The following CTRB1 variants were observed in gnomAD, a reference collection of about 807,000 sequenced individuals.
CTRB1 encodes the protein chymotrypsinogen B.
CTRB1 carries 15 observed loss-of-function variants against 20.4 expected under a neutral mutation model. That is an observed-to-expected ratio of 0.74 (90% CI 0.49 to 1.13). The LOEUF is 1.13. CTRB1 is among the 50% of genes most tolerant of loss of function. CTRB1 has a pLI of 0.00. For missense variants in CTRB1, 227 were observed against 290.1 expected, an observed-to-expected ratio of 0.78 and a Z score of 1.58; for synonymous variants, 92 against 128.4, an observed-to-expected ratio of 0.72 and a Z score of 1.92.
rs764205539 is a variant in CTRB1 at position 75,224,884 on chromosome 16, A to C, written c.*18A>C. 1.7e-5 allele frequency: 28 copies of C among 1,612,510 alleles called. No individual in the cohort carries two copies. Among genetic ancestry groups the C allele is most frequent in the Non-Finnish European group, 2.2e-5 (26 of 1,179,888 alleles). On this transcript the variant is annotated 3_prime_UTR_variant, in exon 7 of 7. Coordinates refer to ENST00000361017, the MANE Select transcript of CTRB1 (RefSeq NM_001906.6). ...CCAACTGAGCCCGCGGCTCCCTCCG[A>C]CCCTGCTCCCCACAGAGCCTCAGTA...
Position 75,222,494 on chromosome 16 carries a change from C to G in CTRB1, c.53-274C>G, listed in dbSNP as rs1201600423. Reference sequence around the variant, plus strand: ...GGCTGAGCCCAGGCAGTCTTACAGCCCGGCCTGTTTTCTGCTTCTTCAGGC... The same window carrying G: ...GGCTGAGCCCAGGCAGTCTTACAGCGCGGCCTGTTTTCTGCTTCTTCAGGC... On this transcript the variant is annotated intron_variant, in intron 1 of 6. Transcript: ENST00000361017. The G allele has an allele frequency of 1.1e-5, 6 of 532,342 alleles. No individual in the cohort carries two copies. In the African/African-American group the frequency reaches 1.1e-4, roughly 10 times the overall value. The allele number at this position is 532,342 out of a possible 1,614,324, so 33.0% of individuals were successfully genotyped here.
chr16:75,221,513 C>T (rs1204475520), intron 1 of CTRB1, among the ~76,000 whole-genome samples: 5 of 152,068 alleles, frequency 3.3e-5, no homozygotes, highest in African/African-American at 1.2e-4. Context: ...GCCTGTGCCA[C>T]CATGCCCGGC....
At chr16:75,222,161 G>GA (rs34600337) in intron 1 of CTRB1, among the ~76,000 whole-genome samples, 61,325 of 142,726 alleles carry the variant, frequency 0.43, 13,983 homozygotes, top group East Asian at 0.62. Flanking sequence ...ACCCTAACTG[G>GA]AAAAAAAAAA....
Position 75,222,309 on chromosome 16 carries a change from G to T in CTRB1, c.53-459G>T, listed in dbSNP as rs57153857. Among the ~76,000 whole-genome samples the T allele has an allele frequency of 3.0e-3, 460 of 152,294 alleles. 2 individuals carry two copies. Among genetic ancestry groups the T allele is most frequent in the African/African-American group, 0.011 (439 of 41,564 alleles). On this transcript the variant is annotated intron_variant, in intron 1 of 6. Transcript: ENST00000361017. ...ATTCCTGGTGGACTTGGGGTTATCAGATTTTCTTCCCACTTCCCCTCTCGC... is the reference window on the plus strand; with the variant it reads ...ATTCCTGGTGGACTTGGGGTTATCATATTTTCTTCCCACTTCCCCTCTCGC...
At chr16:75,222,259 C>T (rs991824712) in intron 1 of CTRB1, among the ~76,000 whole-genome samples, 21 of 152,122 alleles carry the variant, frequency 1.4e-4, no homozygotes, top group Non-Finnish European at 2.5e-4. Flanking sequence ...TTCACTCTCC[C>T]GTCTGCAAAT....
chr16:75,222,900 C>T (rs1364291548), intron 2 of CTRB1, 29 bp downstream of exon 2: 3 of 1,437,274 alleles, frequency 2.1e-6, no homozygotes, highest in African/African-American at 1.4e-5. Flanking sequence ...GTGGGGGGCA[C>T]CCTGGGTAGG....
chr16:75,224,851 C>T lies in CTRB1; in HGVS notation c.777C>T (p.Ile259=), dbSNP rs1274394210. The change falls in exon 7 of 7, where the codon ATC becomes ATT. Residue 259 remains isoleucine (I), a synonymous_variant. Coordinates refer to ENST00000361017, the MANE Select transcript of CTRB1 (RefSeq NM_001906.6). ...AGCTCATACCTTGGGTGCAGAAGAT[C>T]CTGGCTGCCAACTGAGCCCGCGGCT... ...VTKLIPWVQK[I]LAAN 4.3e-6 allele frequency: 7 copies of T among 1,613,920 alleles called. No individual in the cohort carries two copies. The East Asian group carries it at 6.7e-5, about 15-fold the overall frequency.
chr16:75,219,682 C>T (rs1048933521), intron 1 of CTRB1, among the ~76,000 whole-genome samples: 2 of 152,102 alleles, frequency 1.3e-5, no homozygotes, highest in African/African-American at 4.8e-5. Flanking sequence ...CTGTGCCCAG[C>T]CGTGTTTTCT....
chr16:75,220,382 C>A (rs2039066229), intron 1 of CTRB1, among the ~76,000 whole-genome samples: 1 of 152,166 alleles, frequency 6.6e-6, no homozygotes, highest in Non-Finnish European at 1.5e-5. Context: ...TGGGGTTTCA[C>A]CATATTGGTC....
intron 1 of CTRB1, among the ~76,000 whole-genome samples, chr16:75,221,235 C>T (rs780348125): frequency 6.6e-6 from 1 of 152,136 alleles, no homozygotes; most frequent in Non-Finnish European, 1.5e-5. Context: ...GCACAGGAGT[C>T]GAGAATCTGG....
At position 75,224,914 on chromosome 16, in the gene CTRB1, C is replaced by A; in HGVS notation, c.*48C>A. On this transcript the variant is annotated 3_prime_UTR_variant, in exon 7 of 7. Transcript: ENST00000361017. ...GCTCCCCACAGAGCCTCAGTAAACC[C>A]ATGGAACACACGTCGGCGCTGTCCG... 6.2e-7 allele frequency: 1 copy of A among 1,605,240 alleles called. No individual in the cohort carries two copies. The highest frequency in any genetic ancestry group is 8.5e-7 in the Non-Finnish European group (1 of 1,176,860).
Position 75,219,028 on chromosome 16 carries a change from C to T in CTRB1, c.21C>T (p.Leu7=), listed in dbSNP as rs1440400170. The T allele has an allele frequency of 6.3e-7, 1 of 1,592,642 alleles. No homozygotes were observed. The highest frequency in any genetic ancestry group is 2.3e-5 in the East Asian group (1 of 44,274). Residue 7 remains leucine, a synonymous_variant, in exon 1 of 7, where the codon CTC becomes CTT. Transcript: ENST00000361017. ...GCGGCATGGCTTCCCTCTGGCTCCT[C>T]TCCTGCTTCTCCCTTGTGGGGGCCG... MASLWL[L]SCFSLVGAAF... is the part of the protein sequence containing the mutation.
chr16:75,222,970 A>T lies in CTRB1; in HGVS notation c.158A>T (p.Asp53Val). Residue 53 changes from aspartate (D) to valine (V), a missense_variant and splice_region_variant, in exon 3 of 7, where the codon GAC (aspartate) becomes GTC (valine). Asp to Val is a radical substitution (Grantham distance 152). This residue lies in a region of CTRB1 where 12 missense variants were observed against 92.4 expected (regional missense o/e 0.13). Coordinates refer to ENST00000361017, the MANE Select transcript of CTRB1 (RefSeq NM_001906.6). ...GSWPWQVSLQ[D>V]KTGFHFCGGS... ...TGACCCTCCCCATCTTGCTCACAGGACAAAACCGGCTTCCACTTCTGCGGG... is the reference window on the plus strand; with the variant it reads ...TGACCCTCCCCATCTTGCTCACAGGTCAAAACCGGCTTCCACTTCTGCGGG... 1 of 1,076,278 alleles carries T rather than the reference A, an allele frequency of 9.3e-7. No homozygotes were observed. The highest frequency in any genetic ancestry group is 2.6e-5 in the East Asian group (1 of 38,040). 66.7% of individuals were successfully genotyped at this position (1,076,278 alleles called of 1,614,324 possible).
intron 1 of CTRB1, among the ~76,000 whole-genome samples, chr16:75,220,139 T>G (rs2039061790): frequency 7.4e-6 from 1 of 134,962 alleles, no homozygotes; most frequent in Non-Finnish European, 1.5e-5. Flanking sequence ...ACGCTAAGTT[T>G]AAAAACTTGT....
chr16:75,220,981 C>T (rs1273019414), intron 1 of CTRB1, among the ~76,000 whole-genome samples: 1 of 152,128 alleles, frequency 6.6e-6, no homozygotes, highest in South Asian at 2.1e-4. Flanking sequence ...TGGTCTTGAA[C>T]TCCTGACCTT....
chr16:75,222,811 C>T lies in CTRB1; in HGVS notation c.96C>T (p.Ser32=), dbSNP rs1297232618. 2 of 1,549,890 alleles carry T rather than the reference C, an allele frequency of 1.3e-6. No homozygotes were observed. The highest frequency in any genetic ancestry group is 1.4e-5 in the African/African-American group (1 of 73,124). The change falls in exon 2 of 7, where the codon TCC becomes TCT. Residue 32 remains serine, a synonymous_variant. Coordinates refer to ENST00000361017, the MANE Select transcript of CTRB1 (RefSeq NM_001906.6). ...PAIHPVLSGL[S]RIVNGEDAVP... ...TCCACCCTGTGCTCAGCGGCCTGTCCAGGATCGTGAATGGGGAGGACGCCG... is the reference window on the plus strand; with the variant it reads ...TCCACCCTGTGCTCAGCGGCCTGTCTAGGATCGTGAATGGGGAGGACGCCG...
At chr16:75,219,428 A>C (rs954244336) in intron 1 of CTRB1, among the ~76,000 whole-genome samples, 2 of 149,610 alleles carry the variant, frequency 1.3e-5, no homozygotes, top group African/African-American at 4.9e-5. Context: ...TTTCACTCCT[A>C]TTGCCGAGGC....
At position 75,222,860 on chromosome 16, in the gene CTRB1, G is replaced by C. The variant is rs965544442; in HGVS notation, c.145G>C (p.Val49Leu). The C allele has an allele frequency of 6.6e-7, 1 of 1,521,164 alleles. No homozygotes were observed. The highest frequency in any genetic ancestry group is 1.4e-5 in the African/African-American group (1 of 72,320). 94.2% of individuals were successfully genotyped at this position (1,521,164 alleles called of 1,614,324 possible). The stretch of plus-strand genomic sequence containing the variant: ...CGTCCCCGGCTCCTGGCCCTGGCAG[G>C]TGTCCCTGCAGGTGAGGGGGTTCTG... The part of the protein sequence containing the change: ...DAVPGSWPWQ[V>L]SLQDKTGFHF... The change falls in exon 2 of 7, where the codon GTG becomes CTG. Residue 49 changes from valine to leucine, a missense_variant. Physicochemically the swap from Val to Leu is conservative, Grantham distance 32. Transcript: ENST00000361017.
chr16:75,220,399 G>A (rs1231093279), intron 1 of CTRB1, among the ~76,000 whole-genome samples: 1 of 152,154 alleles, frequency 6.6e-6, no homozygotes, highest in Non-Finnish European at 1.5e-5. Flanking sequence ...GGTCAGGCTG[G>A]TCTTGAACTC....
Sources: allele counts gnomAD v4.1 joint callset (sites outside exome capture counted in the v4.1 genomes callset), GRCh38; gene constraint gnomAD v4.1.1; regional missense constraint gnomAD v4.1.1; transcripts MANE v1.5; gene names NCBI Gene and HGNC (gene_info 2026-07-23, HGNC 2026-07-21).